Variants in SAMD12 observed in about 807,000 individuals in gnomAD.
SAMD12 encodes sterile alpha motif domain-containing protein 12.
SAMD12 carries 9 observed loss-of-function variants against 15.0 expected under a neutral mutation model. That is an observed-to-expected ratio of 0.60 (90% CI 0.36 to 1.05). SAMD12 has a LOEUF of 1.05. Among genes scored for constraint, SAMD12 ranks in the 50% least tolerant of loss-of-function variants. SAMD12 has a pLI of 0.01. For missense variants in SAMD12, 230 were observed against 234.2 expected, an observed-to-expected ratio of 0.98 and a Z score of 0.12; for synonymous variants, 86 against 90.1, an observed-to-expected ratio of 0.96 and a Z score of 0.25.
At chr8:118,454,486 C>G (rs1167273991) in intron 2 of SAMD12, among the ~76,000 whole-genome samples, 1 of 152,142 alleles carries the variant, frequency 6.6e-6, no homozygotes, top group Non-Finnish European at 1.5e-5. Flanking sequence ...AAGATCAAGC[C>G]TTGGTGAATC....
chr8:118,386,217 A>G (rs943970724), intron 3 of SAMD12, among the ~76,000 whole-genome samples: 1 of 152,170 alleles, frequency 6.6e-6, no homozygotes, highest in African/African-American at 2.4e-5. Context: ...GGCTAACATC[A>G]ACGTGTCGGA....
intron 2 of SAMD12, among the ~76,000 whole-genome samples, chr8:118,543,121 A>G (rs10111755): frequency 0.48 from 72,993 of 152,018 alleles, 17,703 homozygotes; most frequent in African/African-American, 0.51. Flanking sequence ...TTCCCTCTCC[A>G]AAGAAAATTC....
chr8:118,409,764 A>G (rs1821318725), intron 3 of SAMD12, among the ~76,000 whole-genome samples: 1 of 151,874 alleles, frequency 6.6e-6, no homozygotes, highest in Non-Finnish European at 1.5e-5. Flanking sequence ...CACATAAAAT[A>G]GACTCAAAGT....
chr8:118,331,246 G>A (rs1816793695), intron 4 of SAMD12, among the ~76,000 whole-genome samples: 1 of 152,134 alleles, frequency 6.6e-6, no homozygotes, highest in Admixed American at 6.6e-5. Context: ...AGTATACACA[G>A]CAGATGCACC....
chr8:118,366,881 T>A lies in SAMD12; in HGVS notation c.433+12679A>T, dbSNP rs796440391. On this transcript the variant is annotated intron_variant, in intron 4 of 4. Transcript: ENST00000409003. ...TAAAATAAAATAAAATAAAATAAAA[T>A]AATAAAATAAAATAAAATAAAATAA... Among the ~76,000 whole-genome samples, 485 of 52,186 alleles carry A rather than the reference T, an allele frequency of 9.3e-3. 5 individuals carry two copies. The highest frequency in any genetic ancestry group is 0.016 in the East Asian group (37 of 2,368). 34.2% of individuals were successfully genotyped at this position (52,186 alleles called of 152,430 possible). A position where few individuals can be genotyped will look rare whatever the true frequency, so the allele number is the denominator to read the frequency against.
intron 1 of SAMD12, among the ~76,000 whole-genome samples, chr8:118,584,476 G>A (rs1386408158): frequency 6.6e-6 from 1 of 152,064 alleles, no homozygotes; most frequent in Non-Finnish European, 1.5e-5. Context: ...TCGGCTTCGA[G>A]ACCCTCTTCT....
chr8:118,398,599 G>A (rs567976379), intron 3 of SAMD12, among the ~76,000 whole-genome samples: 2 of 152,108 alleles, frequency 1.3e-5, no homozygotes, highest in African/African-American at 2.4e-5. Flanking sequence ...TTCTTATTTT[G>A]AGGCCTCATT....
At chr8:118,318,310 G>GTATA (rs55959055) in intron 4 of SAMD12, among the ~76,000 whole-genome samples, 7 of 113,320 alleles carry the variant, frequency 6.2e-5, no homozygotes, top group South Asian at 3.2e-4. Flanking sequence ...AGATATATGT[G>GTATA]TATATATATA....
At chr8:118,273,824 G>A (rs1161087997) in intron 4 of SAMD12, among the ~76,000 whole-genome samples, 5 of 152,138 alleles carry the variant, frequency 3.3e-5, no homozygotes, top group Non-Finnish European at 5.9e-5. Context: ...TGTGGAAATA[G>A]CATCATGGAA....
chr8:118,164,526 G>T, the SAMD12 span, among the ~76,000 whole-genome samples: 1 of 152,064 alleles, frequency 6.6e-6, no homozygotes, highest in Non-Finnish European at 1.5e-5. Flanking sequence ...TTATTTTCAA[G>T]CTCTTCCAAC....
the SAMD12 span, among the ~76,000 whole-genome samples, chr8:118,170,291 C>A: frequency 2.6e-4 from 39 of 152,104 alleles, no homozygotes; most frequent in African/African-American, 8.9e-4. Context: ...ATTATTATTA[C>A]CGTAGATATA....
At chr8:118,554,086 G>A (rs1586814534) in intron 2 of SAMD12, among the ~76,000 whole-genome samples, 1 of 151,706 alleles carries the variant, frequency 6.6e-6, no homozygotes, top group East Asian at 1.9e-4. Flanking sequence ...CTGTTGGTGG[G>A]ACTGTAAACT....
chr8:118,317,034 T>C (rs1273474986), intron 4 of SAMD12, among the ~76,000 whole-genome samples: 1 of 151,956 alleles, frequency 6.6e-6, no homozygotes, highest in African/African-American at 2.4e-5. Context: ...CTGATGTTCT[T>C]ATAAGAAGAG....
At chr8:118,277,283 G>A (rs1375104183) in intron 4 of SAMD12, among the ~76,000 whole-genome samples, 3 of 152,144 alleles carry the variant, frequency 2.0e-5, no homozygotes, top group Non-Finnish European at 4.4e-5. Context: ...AAATGCTAGT[G>A]CCAGTGTTTG....
At chr8:118,353,805 T>A (rs1389658946) in intron 4 of SAMD12, among the ~76,000 whole-genome samples, 2 of 151,942 alleles carry the variant, frequency 1.3e-5, no homozygotes, top group African/African-American at 4.8e-5. Context: ...CAGCCTGCCA[T>A]CCCTTGCCCT....
chr8:118,143,669 A>G, the SAMD12 span, among the ~76,000 whole-genome samples: 15 of 152,248 alleles, frequency 9.9e-5, no homozygotes, highest in Non-Finnish European at 1.3e-4. Flanking sequence ...GGTTAAAATT[A>G]AACCTGTGGG....
At chr8:118,254,531 C>T (rs570618291) in intron 4 of SAMD12, among the ~76,000 whole-genome samples, 6 of 152,190 alleles carry the variant, frequency 3.9e-5, no homozygotes, top group East Asian at 3.9e-4. Flanking sequence ...ATTAATAACA[C>T]GCATCTAAAT....
chr8:118,383,859 T>C (rs1819804605), intron 3 of SAMD12, among the ~76,000 whole-genome samples: 1 of 152,134 alleles, frequency 6.6e-6, no homozygotes, highest in African/African-American at 2.4e-5. Context: ...TGCTGTGATA[T>C]GGAGATAAGT....
chr8:118,157,853 A>C, the SAMD12 span, among the ~76,000 whole-genome samples: 4 of 152,228 alleles, frequency 2.6e-5, no homozygotes, highest in East Asian at 1.9e-4. Context: ...AAAGTATATG[A>C]AACAAAGTTT....
Sources: allele counts gnomAD v4.1 joint callset (sites outside exome capture counted in the v4.1 genomes callset), GRCh38; gene constraint gnomAD v4.1.1; transcripts MANE v1.5; gene names NCBI Gene and HGNC (gene_info 2026-07-23, HGNC 2026-07-21).